The following SLC7A9 variants were observed in gnomAD, a reference collection of about 807,000 sequenced individuals.
The protein encoded by SLC7A9 is solute carrier family 7 member 9.
A neutral mutation model predicts 54.1 loss-of-function variants in SLC7A9; 38 were observed. The observed-to-expected ratio is 0.70, with a 90% CI of 0.54 to 0.92. The LOEUF (loss-of-function observed/expected upper bound fraction) is 0.92. SLC7A9 is among the 40% of genes least tolerant of loss of function. The pLI is 0.00. For synonymous variants in SLC7A9, 264 were observed against 258.9 expected, an observed-to-expected ratio of 1.02 and a Z score of -0.19; for missense variants, 537 against 636.1, an observed-to-expected ratio of 0.84 and a Z score of 1.68.
chr19:32,837,557 A>ATATAAATAACATGTTAC (rs1967998426), intron 11 of SLC7A9, among the ~76,000 whole-genome samples: 1 of 152,040 alleles, frequency 6.6e-6, no homozygotes, highest in East Asian at 1.9e-4. Flanking sequence ...GTAAATGTGC[A>ATATAAATAACATGTTAC]TATAAATAAC....
intron 5 of SLC7A9, 108 bp from the exon 6 acceptor site, chr19:32,862,325 C>T (rs1441912122): frequency 6.1e-6 from 9 of 1,467,238 alleles, no homozygotes; most frequent in Middle Eastern, 3.5e-4. Context: ...TAAACACGCC[C>T]TGAAACTAAG....
intron 11 of SLC7A9, 97 bp from the exon 12 acceptor site, chr19:32,833,420 C>T (rs1967865992): frequency 1.0e-6 from 1 of 983,776 alleles, no homozygotes; most frequent in South Asian, 1.4e-5. Flanking sequence ...ACTCCATGTA[C>T]CCCCTCCTCC....
intron 9 of SLC7A9, among the ~76,000 whole-genome samples, chr19:32,847,370 C>T (rs955747045): frequency 3.3e-5 from 5 of 152,030 alleles, no homozygotes; most frequent in African/African-American, 9.7e-5. Context: ...AGCCAAGGCT[C>T]GAGAACTACG....
intron 9 of SLC7A9, among the ~76,000 whole-genome samples, chr19:32,850,755 T>G (rs1318594896): frequency 3.9e-5 from 6 of 151,980 alleles, no homozygotes; most frequent in Non-Finnish European, 5.9e-5. Context: ...GAGGCATCAC[T>G]CTACCTGACT....
At chr19:32,862,700 CT>C (rs1968842571) in intron 4 of SLC7A9, 114 bp from the exon 5 acceptor site, 3 of 933,688 alleles carry the variant, frequency 3.2e-6, no homozygotes, top group Admixed American at 3.6e-5. Context: ...GAGTCTCACT[CT>C]GTCACCCAGG....
At chr19:32,855,595 A>G (rs573594473) in intron 9 of SLC7A9, among the ~76,000 whole-genome samples, 17 of 152,034 alleles carry the variant, frequency 1.1e-4, no homozygotes, top group African/African-American at 3.1e-4. Context: ...CCAGCTACTC[A>G]GGAGGCTGAG....
At chr19:32,853,382 A>G (rs1386867690) in intron 9 of SLC7A9, among the ~76,000 whole-genome samples, 1 of 152,234 alleles carries the variant, frequency 6.6e-6, no homozygotes, top group African/African-American at 2.4e-5. Context: ...ACAGCCTTAT[A>G]AATTTATGAA....
chr19:32,841,414 G>C (rs1968123786), intron 11 of SLC7A9, among the ~76,000 whole-genome samples: 2 of 152,018 alleles, frequency 1.3e-5, no homozygotes, highest in African/African-American at 4.8e-5. Context: ...TGCGGCTGGA[G>C]TTCAGAAGTT....
intron 9 of SLC7A9, among the ~76,000 whole-genome samples, chr19:32,857,883 T>G (rs1381607688): frequency 6.6e-6 from 1 of 152,182 alleles, no homozygotes; most frequent in Admixed American, 6.5e-5. Flanking sequence ...TGTTCACTCT[T>G]GGGTACCAAG....
intron 2 of SLC7A9, among the ~76,000 whole-genome samples, chr19:32,866,105 C>T (rs1464334646): frequency 6.6e-6 from 1 of 152,192 alleles, no homozygotes; most frequent in Non-Finnish European, 1.5e-5. Context: ...AAGTTTCCAG[C>T]ACCCATGTTC....
At chr19:32,857,793 C>T (rs532022681) in intron 9 of SLC7A9, among the ~76,000 whole-genome samples, 1 of 152,178 alleles carries the variant, frequency 6.6e-6, no homozygotes. Context: ...TGGTGGCAGT[C>T]TCTAGACCAG....
intron 2 of SLC7A9, among the ~76,000 whole-genome samples, chr19:32,867,517 TAAA>T (rs1199482052): frequency 1.3e-5 from 2 of 150,004 alleles, no homozygotes; most frequent in African/African-American, 4.9e-5. Context: ...ACCCTGACTC[TAAA>T]AAAATTTTTT....
At chr19:32,847,512 G>A (rs557080792) in intron 9 of SLC7A9, among the ~76,000 whole-genome samples, 3 of 152,302 alleles carry the variant, frequency 2.0e-5, no homozygotes, top group Non-Finnish European at 4.4e-5. Flanking sequence ...AATGAACAAA[G>A]CCTCCAAGAA....
intron 9 of SLC7A9, among the ~76,000 whole-genome samples, chr19:32,845,080 CT>C (rs1968246466): frequency 6.6e-6 from 1 of 151,800 alleles, no homozygotes; most frequent in Non-Finnish European, 1.5e-5. Context: ...AGGAGAATCG[CT>C]TGAACCCGGG....
chr19:32,844,041 G>A (rs1968208204), intron 9 of SLC7A9, 90 bp from the exon 10 acceptor site: 1 of 933,338 alleles, frequency 1.1e-6, no homozygotes, highest in East Asian at 2.5e-5. Flanking sequence ...GTCCACCAAG[G>A]AGCCCTCGGG....
intron 2 of SLC7A9, 128 bp from the exon 3 acceptor site, chr19:32,864,904 C>T: frequency 8.2e-7 from 1 of 1,226,606 alleles, no homozygotes; most frequent in African/African-American, 1.5e-5. Flanking sequence ...CGCTTCCACC[C>T]TGAGCGGCTG....
At chr19:32,860,565 G>C in intron 7 of SLC7A9, 41 bp downstream of exon 7, 1 of 1,613,988 alleles carries the variant, frequency 6.2e-7, no homozygotes, top group Non-Finnish European at 8.5e-7. Flanking sequence ...AGAGAAATCA[G>C]GCTGCCCGGC....
rs60204379 is a variant in SLC7A9, at chr19:32,835,911, A to ATGTG, written c.1225-2592_1225-2589dup. Among the ~76,000 whole-genome samples the ATGTG allele has an allele frequency of 1.1e-3, 158 of 142,836 alleles. 2 individuals carry two copies. The highest frequency in any genetic ancestry group is 4.4e-3 in the East Asian group (22 of 5,034). The allele number at this position is 142,836 out of a possible 152,430, so 93.7% of individuals were successfully genotyped here. A position where few individuals can be genotyped will look rare whatever the true frequency, so the allele number is the denominator to read the frequency against. On this transcript the variant is annotated intron_variant, in intron 11 of 12. Coordinates refer to ENST00000023064, the MANE Select transcript of SLC7A9 (RefSeq NM_014270.5). The stretch of plus-strand genomic sequence containing the variant: ...GTACTGTGTGTGTGTGTGTGTGTGT[A>ATGTG]TGTGTGTGTGTGTGTGTGTGTGTGT...
At chr19:32,868,287 G>T (rs950118177) in intron 2 of SLC7A9, among the ~76,000 whole-genome samples, 161 bp downstream of exon 2, 3 of 150,442 alleles carry the variant, frequency 2.0e-5, no homozygotes, top group Non-Finnish European at 3.0e-5. Flanking sequence ...GGAAAGAGAA[G>T]TAAGTCCAGA....
Sources: allele counts gnomAD v4.1 joint callset (sites outside exome capture counted in the v4.1 genomes callset), GRCh38; gene constraint gnomAD v4.1.1; transcripts MANE v1.5; gene names NCBI Gene and HGNC (gene_info 2026-07-23, HGNC 2026-07-21).